MYRIP: variants seen among roughly 807,000 people sequenced by gnomAD.
MYRIP encodes the protein rab effector MyRIP.
MYRIP carries 49 observed loss-of-function variants against 98.0 expected under a neutral mutation model. The ratio of observed to expected loss-of-function variants is 0.50; its 90% CI spans 0.40 to 0.63. The LOEUF (loss-of-function observed/expected upper bound fraction) is 0.63. Among genes scored for constraint, MYRIP ranks in the 30% least tolerant of loss-of-function variants. The pLI is 0.00. For missense variants in MYRIP, 1,004 were observed against 1,058.2 expected (o/e 0.95, Z 0.71); for synonymous variants, 404 against 409.5 (o/e 0.99, Z 0.16).
intron 2 of MYRIP, among the ~76,000 whole-genome samples, chr3:39,939,791 A>G (rs1016086647): frequency 2.0e-5 from 3 of 152,170 alleles, no homozygotes; most frequent in African/African-American, 7.2e-5. Flanking sequence ...ATGGCAGGAT[A>G]ATCTGATGAA....
At chr3:40,079,083 A>G (rs1301742361) in intron 3 of MYRIP, among the ~76,000 whole-genome samples, 1 of 152,212 alleles carries the variant, frequency 6.6e-6, no homozygotes, top group African/African-American at 2.4e-5. Context: ...TGAAAACCCC[A>G]GAAAGAGGAA....
chr3:40,046,575 A>G (rs1947672662), intron 3 of MYRIP, among the ~76,000 whole-genome samples: 1 of 146,962 alleles, frequency 6.8e-6, no homozygotes, highest in Non-Finnish European at 1.5e-5. Context: ...CCTAGATGGA[A>G]CTCAGTTGGA....
intron 2 of MYRIP, among the ~76,000 whole-genome samples, chr3:40,018,544 A>C (rs989232896): frequency 2.7e-5 from 4 of 149,402 alleles, no homozygotes; most frequent in African/African-American, 9.7e-5. Context: ...TTGGTCCCTC[A>C]TTTCCTGTCC....
At chr3:40,242,012 G>A (rs1042602058) in intron 12 of MYRIP, among the ~76,000 whole-genome samples, 6 of 152,068 alleles carry the variant, frequency 3.9e-5, no homozygotes, top group Non-Finnish European at 8.8e-5. Flanking sequence ...TTCCAACTGA[G>A]ATTATCACAG....
chr3:40,163,292 C>T (rs1950434531), intron 5 of MYRIP, among the ~76,000 whole-genome samples: 1 of 152,156 alleles, frequency 6.6e-6, no homozygotes, highest in African/African-American at 2.4e-5. Flanking sequence ...ATAATCAGTG[C>T]CCCCTCAATT....
intron 10 of MYRIP, among the ~76,000 whole-genome samples, chr3:40,191,654 T>C (rs1402018526): frequency 6.6e-6 from 1 of 152,236 alleles, no homozygotes; most frequent in Non-Finnish European, 1.5e-5. Context: ...ATTGACCTGC[T>C]AACATATTGC....
chr3:39,980,083 T>C (rs1193617722), intron 2 of MYRIP, among the ~76,000 whole-genome samples: 4 of 152,224 alleles, frequency 2.6e-5, no homozygotes, highest in Non-Finnish European at 4.4e-5. Flanking sequence ...AAGATCATAA[T>C]GCTGCCTAGG....
At chr3:40,192,327 TC>T (rs368790330) in intron 10 of MYRIP, among the ~76,000 whole-genome samples, 247 of 11,194 alleles carry the variant, frequency 0.022, 5 homozygotes, top group Admixed American at 0.034. Flanking sequence ...TATATATATG[TC>T]ATATATATAT....
At chr3:40,055,127 G>A (rs6599077) in intron 3 of MYRIP, among the ~76,000 whole-genome samples, 44,256 of 152,002 alleles carry the variant, frequency 0.29, 6,517 homozygotes, top group East Asian at 0.36. Flanking sequence ...CTGGTATTTA[G>A]GTTTGTACCC....
intron 2 of MYRIP, among the ~76,000 whole-genome samples, chr3:39,961,413 A>G (rs1945323396): frequency 6.6e-6 from 1 of 152,124 alleles, no homozygotes; most frequent in Non-Finnish European, 1.5e-5. Context: ...GATAAGGCCA[A>G]AGGAAATAAA....
At chr3:40,025,582 G>A (rs539792795) in intron 2 of MYRIP, among the ~76,000 whole-genome samples, 45 of 152,254 alleles carry the variant, frequency 3.0e-4, no homozygotes, top group African/African-American at 1.1e-3. Flanking sequence ...GGTATTGGGG[G>A]AACCCGCCCC....
At chr3:40,126,167 T>C (rs1045444573) in intron 3 of MYRIP, among the ~76,000 whole-genome samples, 18 of 152,278 alleles carry the variant, frequency 1.2e-4, no homozygotes, top group African/African-American at 3.4e-4. Context: ...TAAAGTGCAA[T>C]CCTTGGACTC....
intron 3 of MYRIP, among the ~76,000 whole-genome samples, chr3:40,051,911 C>G (rs971771837): frequency 2.0e-5 from 3 of 151,880 alleles, no homozygotes; most frequent in African/African-American, 7.3e-5. Flanking sequence ...ATTGATATAT[C>G]TTAGTTGTAT....
chr3:39,932,183 A>G (rs1944553999), intron 2 of MYRIP, among the ~76,000 whole-genome samples: 1 of 152,200 alleles, frequency 6.6e-6, no homozygotes, highest in Non-Finnish European at 1.5e-5. Flanking sequence ...TGTGGTTTCT[A>G]GCCCTGGAAG....
At chr3:39,954,545 T>C (rs2125722221) in intron 2 of MYRIP, among the ~76,000 whole-genome samples, 1 of 152,230 alleles carries the variant, frequency 6.6e-6, no homozygotes, top group African/African-American at 2.4e-5. Context: ...CAAAGGTAGA[T>C]ACAACCACAA....
intron 2 of MYRIP, among the ~76,000 whole-genome samples, chr3:39,912,402 T>C (rs1471095971): frequency 1.3e-5 from 2 of 152,220 alleles, no homozygotes; most frequent in Non-Finnish European, 2.9e-5. Flanking sequence ...AACTGCTAAA[T>C]GTAGTACCTA....
At chr3:40,092,918 G>A (rs140574379) in intron 3 of MYRIP, among the ~76,000 whole-genome samples, 2 of 152,244 alleles carry the variant, frequency 1.3e-5, no homozygotes, top group East Asian at 3.9e-4. Context: ...TGGGCTTCAT[G>A]TTCCAGGAGG....
chr3:40,060,187 C>T (rs59746812), intron 3 of MYRIP, among the ~76,000 whole-genome samples: 23,106 of 152,146 alleles, frequency 0.15, 1,692 homozygotes, highest in East Asian at 0.2. Context: ...AATTTTGTCC[C>T]TCAGGGGTGA....
At chr3:40,177,488 C>A (rs191895607) in intron 8 of MYRIP, among the ~76,000 whole-genome samples, 1 of 152,300 alleles carries the variant, frequency 6.6e-6, no homozygotes. Context: ...ATCCCCAATC[C>A]CCATCAGCAC....
Sources: gnomAD v4.1 joint callset for allele counts (sites outside exome capture counted in the v4.1 genomes callset) on GRCh38, gnomAD v4.1.1 for gene constraint, MANE v1.5 for transcripts, NCBI Gene and HGNC (gene_info 2026-07-23, HGNC 2026-07-21) for gene names.